MSRB3: variants seen among roughly 807,000 people sequenced by gnomAD.
MSRB3 encodes the protein methionine sulfoxide reductase B3.
In MSRB3, 13 loss-of-function variants were observed where a neutral mutation model predicts 21.0. The observed-to-expected ratio is 0.62, with a 90% CI of 0.40 to 0.98. The LOEUF is 0.98. Ranked by LOEUF, MSRB3 falls within the 50% of genes least tolerant of loss-of-function variation. MSRB3 has a pLI of 0.00. For synonymous variants in MSRB3, 87 were observed against 88.6 expected (o/e 0.98, Z 0.10); for missense variants, 199 against 230.3 (o/e 0.86, Z 0.88).
chr12:65,295,000 T>A (rs1180496411), intron 1 of MSRB3, among the ~76,000 whole-genome samples: 4 of 152,044 alleles, frequency 2.6e-5, no homozygotes, highest in South Asian at 2.1e-4. Context: ...GTTACTTTTT[T>A]AAAAAAATTA....
chr12:65,294,175 C>T (rs1872819258), intron 1 of MSRB3, among the ~76,000 whole-genome samples: 1 of 152,130 alleles, frequency 6.6e-6, no homozygotes, highest in Non-Finnish European at 1.5e-5. Context: ...GCCACAGAAC[C>T]CTTGTTTCAT....
At chr12:65,328,666 T>A in intron 4 of MSRB3, 63 bp downstream of exon 4, 1 of 1,083,430 alleles carries the variant, frequency 9.2e-7, no homozygotes, top group Non-Finnish European at 1.4e-6. Flanking sequence ...TAGTTATTGC[T>A]TTTTCATCTT....
chr12:65,282,014 C>T (rs1872052185), intron 1 of MSRB3: 1 of 152,184 alleles, frequency 6.6e-6, no homozygotes, highest in South Asian at 2.1e-4. Flanking sequence ...GATGGGTTTT[C>T]CTTTTAAAAT....
intron 1 of MSRB3, among the ~76,000 whole-genome samples, chr12:65,295,255 G>A (rs545846773): frequency 1.3e-5 from 2 of 152,276 alleles, no homozygotes; most frequent in East Asian, 1.9e-4. Context: ...AAATGCAGTA[G>A]CATTTGACTC....
At chr12:65,448,917 G>A (rs896484787) in intron 5 of MSRB3, among the ~76,000 whole-genome samples, 7 of 152,126 alleles carry the variant, frequency 4.6e-5, no homozygotes, top group Non-Finnish European at 1.0e-4. Flanking sequence ...TTGGTTGATT[G>A]CCACTTAAAT....
chr12:65,382,412 G>T (rs1878986141), intron 5 of MSRB3, among the ~76,000 whole-genome samples: 1 of 151,810 alleles, frequency 6.6e-6, no homozygotes, highest in Admixed American at 6.6e-5. Flanking sequence ...ATTTTCCCCT[G>T]TGTTGTTATA....
chr12:65,441,917 A>T (rs1440795070), intron 5 of MSRB3, among the ~76,000 whole-genome samples: 1 of 152,080 alleles, frequency 6.6e-6, no homozygotes, highest in Non-Finnish European at 1.5e-5. Context: ...ACCATTTGTC[A>T]TATAAACAAT....
chr12:65,323,397 GTTAC>G (rs1874813375), intron 2 of MSRB3, among the ~76,000 whole-genome samples: 1 of 152,202 alleles, frequency 6.6e-6, no homozygotes, highest in African/African-American at 2.4e-5. Flanking sequence ...CTATCTCAAA[GTTAC>G]TCTGTAAGGA....
chr12:65,380,147 C>T (rs1264834976), intron 5 of MSRB3, among the ~76,000 whole-genome samples: 1 of 152,018 alleles, frequency 6.6e-6, no homozygotes, highest in African/African-American at 2.4e-5. Flanking sequence ...CTGAAATAAT[C>T]AAGGGTAGAA....
In MSRB3 at chr12:65,464,849, A is replaced by T. The variant is rs1193348539; in HGVS notation, c.*1527A>T. On this transcript the variant is annotated 3_prime_UTR_variant, in exon 7 of 7. Transcript: ENST00000308259. ...CATGGAAAGCTAAAACGGAAGCTCA[A>T]GTTTCATACTCAACATAATCTTCTG... 1 of 152,246 alleles carries T rather than the reference A, an allele frequency of 6.6e-6. No individual in the cohort carries two copies. The highest frequency in any genetic ancestry group is 2.4e-5 in the African/African-American group (1 of 41,452). 9.4% of individuals were successfully genotyped at this position (152,246 alleles called of 1,614,324 possible).
chr12:65,341,072 A>G (rs573200648), intron 4 of MSRB3, among the ~76,000 whole-genome samples: 161 of 152,274 alleles, frequency 1.1e-3, no homozygotes, highest in Non-Finnish European at 2.0e-3. Context: ...AAGAAAAACT[A>G]TAGACCTATC....
At chr12:65,308,762 C>T (rs980802223) in intron 2 of MSRB3, 107 bp downstream of exon 2, 5 of 1,509,436 alleles carry the variant, frequency 3.3e-6, no homozygotes, top group African/African-American at 2.7e-5. Flanking sequence ...TTTTCTTTTA[C>T]TTGGGCCCTA....
chr12:65,399,024 T>C (rs915345862), intron 5 of MSRB3, among the ~76,000 whole-genome samples: 3 of 152,192 alleles, frequency 2.0e-5, no homozygotes, highest in Admixed American at 1.3e-4. Flanking sequence ...ATAGTATAGT[T>C]TGAAGTCAGG....
intron 2 of MSRB3, among the ~76,000 whole-genome samples, chr12:65,316,580 A>G (rs2136434476): frequency 6.6e-6 from 1 of 152,284 alleles, no homozygotes; most frequent in East Asian, 1.9e-4. Context: ...TGGATGAATG[A>G]ATGCTTGTGA....
chr12:65,418,876 T>TA lies in MSRB3; in HGVS notation c.293-34851dup, dbSNP rs1008108285. 4 of 748,246 alleles carry TA rather than the reference T, an allele frequency of 5.3e-6. No individual in the cohort carries two copies. The African/African-American group carries it at 6.8e-5, about 13-fold the overall frequency. The allele number at this position is 748,246 out of a possible 1,614,324, so 46.4% of individuals were successfully genotyped here. A position where few individuals can be genotyped will look rare whatever the true frequency, so the allele number is the denominator to read the frequency against. On this transcript the variant is annotated intron_variant, in intron 5 of 6. Coordinates refer to ENST00000308259, the MANE Select transcript of MSRB3 (RefSeq NM_001031679.3). ...CTTGATGTCTTCTGGCAGGCAGTGA[T>TA]ACATGGCAATCTCAGCCTCCAGCTT...
chr12:65,321,993 A>G (rs1874699602), intron 2 of MSRB3, among the ~76,000 whole-genome samples: 2 of 152,310 alleles, frequency 1.3e-5, no homozygotes, highest in South Asian at 2.1e-4. Context: ...TAGAACCAAA[A>G]TTAAAGTTAT....
intron 1 of MSRB3, among the ~76,000 whole-genome samples, chr12:65,287,094 A>G (rs947714144): frequency 7.9e-6 from 1 of 126,186 alleles, no homozygotes; most frequent in African/African-American, 4.3e-5. Flanking sequence ...TGTATAAATT[A>G]GATAGCCCTA....
At chr12:65,403,206 C>A (rs913058658) in intron 5 of MSRB3, among the ~76,000 whole-genome samples, 5 of 152,232 alleles carry the variant, frequency 3.3e-5, no homozygotes, top group African/African-American at 1.2e-4. Flanking sequence ...GTGCCCACAG[C>A]AGCTCCTTCC....
Position 65,278,708 on chromosome 12 carries a change from C to T in MSRB3, c.-209C>T, listed in dbSNP as rs1274621541. ...ATGCCTCCCGCCGCCCCGTCCGTCG[C>T]CCGGAGCCGGGGAGGGAGGGAGCGA... On this transcript the variant is annotated 5_prime_UTR_variant, in exon 1 of 7. Transcript: ENST00000308259. 2.8e-6 allele frequency: 4 copies of T among 1,450,288 alleles called. No individual in the cohort carries two copies. The highest frequency in any genetic ancestry group is 3.8e-6 in the Non-Finnish European group (4 of 1,060,292). 89.8% of individuals were successfully genotyped at this position (1,450,288 alleles called of 1,614,324 possible). A position where few individuals can be genotyped will look rare whatever the true frequency, so the allele number is the denominator to read the frequency against.
Sources: allele counts gnomAD v4.1 joint callset (sites outside exome capture counted in the v4.1 genomes callset), GRCh38; gene constraint gnomAD v4.1.1; transcripts MANE v1.5; gene names NCBI Gene and HGNC (gene_info 2026-07-23, HGNC 2026-07-21).